Variants in FGD3 observed in about 807,000 individuals in gnomAD.
The protein encoded by FGD3 is FYVE, RhoGEF and PH domain-containing protein 3.
A neutral mutation model predicts 71.8 loss-of-function variants in FGD3; 45 were observed. That is an observed-to-expected ratio of 0.63 (90% CI 0.49 to 0.80). The LOEUF (loss-of-function observed/expected upper bound fraction) is 0.80. Among genes scored for constraint, FGD3 ranks in the 30% least tolerant of loss-of-function variants. The pLI is 0.00. For synonymous variants in FGD3, 378 were observed against 392.8 expected (o/e 0.96, Z 0.44); for missense variants, 844 against 951.5 (o/e 0.89, Z 1.49).
chr9:93,004,074 C>T lies in FGD3; in HGVS notation c.617C>T (p.Ser206Phe). 1 of 1,614,208 alleles carries T rather than the reference C, an allele frequency of 6.2e-7. No homozygotes were observed. Among genetic ancestry groups the T allele is most frequent in the Non-Finnish European group, 8.5e-7 (1 of 1,180,040 alleles). Residue 206 changes from serine to phenylalanine, a missense_variant, in exon 5 of 18, where the codon TCC (serine) becomes TTC (phenylalanine). Ser to Phe is a radical substitution (Grantham distance 155, BLOSUM62 -2). Transcript: ENST00000375482. ...VIMGIFSNISSIHRFHGQFLL... is the reference protein window; with the variant it reads ...VIMGIFSNISFIHRFHGQFLL... ...ATGGGCATATTCTCTAACATCTCCTCCATCCACCGCTTCCACGGGCAGTTC... is the reference window on the plus strand; with the variant it reads ...ATGGGCATATTCTCTAACATCTCCTTCATCCACCGCTTCCACGGGCAGTTC...
rs941045662 is a variant in FGD3 at position 93,035,797 on chromosome 9, A to G, written c.*208A>G. On this transcript the variant is annotated 3_prime_UTR_variant, in exon 18 of 18. Transcript: ENST00000375482. ...GGTCACCCAGCAAGTTTTGGCTAAG[A>G]GCCTGGCCTCCAGCCCCAGCAGTGT... 1 of 683,890 alleles carries G rather than the reference A, an allele frequency of 1.5e-6. No homozygotes were observed. The highest frequency in any genetic ancestry group is 1.8e-5 in the African/African-American group (1 of 54,862). The allele number at this position is 683,890 out of a possible 1,614,324, so 42.4% of individuals were successfully genotyped here. A position where few individuals can be genotyped will look rare whatever the true frequency, so the allele number is the denominator to read the frequency against.
At chr9:92,987,591 C>T (rs970440647) in intron 3 of FGD3, among the ~76,000 whole-genome samples, 2 of 152,184 alleles carry the variant, frequency 1.3e-5, no homozygotes, top group Non-Finnish European at 2.9e-5. Flanking sequence ...GGTCCCTCCT[C>T]TCTGACTTGA....
intron 3 of FGD3, among the ~76,000 whole-genome samples, chr9:92,977,664 A>G (rs986036906): frequency 1.3e-5 from 2 of 152,108 alleles, no homozygotes; most frequent in Admixed American, 6.5e-5. Context: ...TGTCATCCTC[A>G]GTTTCCAAGA....
intron 1 of FGD3, among the ~76,000 whole-genome samples, chr9:92,959,929 T>G (rs1258983172): frequency 6.6e-6 from 1 of 151,710 alleles, no homozygotes; most frequent in Non-Finnish European, 1.5e-5. Context: ...GGCTCCACAT[T>G]CCTCATGTCT....
intron 3 of FGD3, among the ~76,000 whole-genome samples, chr9:92,987,450 G>GA (rs967750587): frequency 2.7e-5 from 4 of 149,524 alleles, no homozygotes; most frequent in Non-Finnish European, 4.5e-5. Flanking sequence ...AAAAAAGAAA[G>GA]AAAGAAAAAA....
intron 3 of FGD3, among the ~76,000 whole-genome samples, chr9:92,990,062 T>C (rs1215052909): frequency 6.6e-6 from 1 of 152,198 alleles, no homozygotes; most frequent in African/African-American, 2.4e-5. Flanking sequence ...TGTTCGTATA[T>C]TGATTTTGTG....
chr9:93,014,288 G>A (rs1861569592), intron 9 of FGD3, among the ~76,000 whole-genome samples: 1 of 152,102 alleles, frequency 6.6e-6, no homozygotes, highest in Admixed American at 6.5e-5. Flanking sequence ...CCAGAACTGA[G>A]CAGACTTCAG....
intron 3 of FGD3, among the ~76,000 whole-genome samples, chr9:92,995,702 T>G (rs1054476202): frequency 4.7e-4 from 72 of 152,168 alleles, no homozygotes; most frequent in African/African-American, 1.7e-3. Flanking sequence ...TGAATTTTGT[T>G]GAAGGCCTTT....
chr9:92,999,584 G>A (rs1047571380), intron 3 of FGD3, among the ~76,000 whole-genome samples: 2 of 148,818 alleles, frequency 1.3e-5, no homozygotes, highest in African/African-American at 4.9e-5. Flanking sequence ...CAGCCATCTT[G>A]GAACCTTTTT....
chr9:93,022,301 T>G, intron 13 of FGD3, 26 bp from the exon 14 acceptor site: 1 of 1,602,262 alleles, frequency 6.2e-7, no homozygotes, highest in Non-Finnish European at 8.5e-7. Context: ...GAATCTCCTC[T>G]CACTCGGCCT....
intron 14 of FGD3, among the ~76,000 whole-genome samples, chr9:93,023,155 C>T (rs957011338): frequency 6.6e-6 from 1 of 152,212 alleles, no homozygotes; most frequent in Non-Finnish European, 1.5e-5. Flanking sequence ...GGTGATTCTC[C>T]AGGTGCCTCG....
chr9:93,008,104 T>C (rs1309776889), intron 6 of FGD3, among the ~76,000 whole-genome samples: 3 of 152,270 alleles, frequency 2.0e-5, no homozygotes, highest in Admixed American at 2.0e-4. Context: ...ATGACATTGT[T>C]ATGCATTATT....
intron 13 of FGD3, among the ~76,000 whole-genome samples, chr9:93,021,815 A>G (rs969616271): frequency 1.3e-5 from 2 of 152,186 alleles, no homozygotes; most frequent in Admixed American, 6.5e-5. Context: ...AGAACTTTGC[A>G]CCATCCAGAA....
chr9:92,988,495 G>A (rs953524409), intron 3 of FGD3, among the ~76,000 whole-genome samples: 1 of 152,156 alleles, frequency 6.6e-6, no homozygotes, highest in African/African-American at 2.4e-5. Flanking sequence ...TGATATTCCT[G>A]GTGTGGCGGG....
Position 93,003,970 on chromosome 9 carries a change from AC to A in FGD3, c.544-30del. On this transcript the variant is annotated intron_variant, in intron 4 of 17. Coordinates refer to ENST00000375482, the MANE Select transcript of FGD3 (RefSeq NM_001083536.2). The surrounding 1 kb of genome is among the most constrained non-coding windows in gnomAD (Gnocchi z 4.1). ...CAACTGTGCTCAGTGGAAGAGGCTC[AC>A]TGGCCACACGTGGGCTTCTCTATGC... 6.2e-7 allele frequency: 1 copy of A among 1,612,958 alleles called. No individual in the cohort carries two copies.
At chr9:93,028,611 C>A (rs571442976) in intron 14 of FGD3, among the ~76,000 whole-genome samples, 1 of 152,334 alleles carries the variant, frequency 6.6e-6, no homozygotes, top group South Asian at 2.1e-4. Context: ...TGGGGCCTTT[C>A]CAGGGGTTGC....
chr9:93,029,864 C>T lies in FGD3; in HGVS notation c.1558-10C>T, dbSNP rs1862288321. 1 of 1,611,170 alleles carries T rather than the reference C, an allele frequency of 6.2e-7. No individual in the cohort carries two copies. Among genetic ancestry groups the T allele is most frequent in the East Asian group, 2.2e-5 (1 of 44,768 alleles). ...TCAGAAGCTGATGGCATCTATTTGC[C>T]TCCTTATAGCTCGAGCCCAGAAAAC... On this transcript the variant is annotated splice_polypyrimidine_tract_variant and intron_variant, in intron 14 of 17. Transcript: ENST00000375482.
At chr9:93,005,080 T>A (rs748329037) in intron 5 of FGD3, among the ~76,000 whole-genome samples, 3 of 152,022 alleles carry the variant, frequency 2.0e-5, no homozygotes, top group Admixed American at 6.5e-5. Context: ...CTCTGCAACT[T>A]TTATAACAGC....
At chr9:92,999,305 T>A (rs992739893) in intron 3 of FGD3, among the ~76,000 whole-genome samples, 10 of 152,180 alleles carry the variant, frequency 6.6e-5, no homozygotes, top group Non-Finnish European at 1.5e-4. Flanking sequence ...GTGTGCCGTT[T>A]GCTAAGGCCA....
Sources: allele counts gnomAD v4.1 joint callset (sites outside exome capture counted in the v4.1 genomes callset), GRCh38; gene constraint gnomAD v4.1.1; non-coding constraint Gnocchi (gnomAD v3.1); transcripts MANE v1.5; gene names NCBI Gene and HGNC (gene_info 2026-07-23, HGNC 2026-07-21).